MCUB: variants seen among roughly 807,000 people sequenced by gnomAD.
MCUB encodes calcium uniporter regulatory subunit MCUb, mitochondrial.
A neutral mutation model predicts 41.4 loss-of-function variants in MCUB; 46 were observed. The observed-to-expected ratio is 1.11, with a 90% CI of 0.88 to 1.42. The LOEUF (loss-of-function observed/expected upper bound fraction) is 1.42. MCUB is among the 40% of genes most tolerant of loss of function. The probability of loss-of-function intolerance (pLI) is 0.00; values close to 1 mark genes in which losing one functional copy is unlikely to be tolerated. For missense variants in MCUB, 403 were observed against 404.9 expected (o/e 1.00, Z 0.04); for synonymous variants, 148 against 148.2 (o/e 1.00, Z 0.01).
intron 1 of MCUB, among the ~76,000 whole-genome samples, chr4:109,645,659 G>A (rs1476121877): frequency 6.6e-6 from 1 of 152,152 alleles, no homozygotes; most frequent in East Asian, 1.9e-4. Flanking sequence ...GCTGTTGCAT[G>A]CTTCCTTGCT....
At chr4:109,589,832 G>A (rs1397393806) in intron 1 of MCUB, among the ~76,000 whole-genome samples, 1 of 152,178 alleles carries the variant, frequency 6.6e-6, no homozygotes, top group East Asian at 1.9e-4. Flanking sequence ...TCACCTGACT[G>A]ACTTTTGTCC....
chr4:109,673,121 G>C (rs1342273625), intron 4 of MCUB, among the ~76,000 whole-genome samples: 1 of 152,168 alleles, frequency 6.6e-6, no homozygotes, highest in Non-Finnish European at 1.5e-5. Flanking sequence ...AGAGAGAAGG[G>C]TGACAGAAAT....
intron 1 of MCUB, among the ~76,000 whole-genome samples, chr4:109,586,007 G>C (rs1243441580): frequency 6.6e-6 from 1 of 152,126 alleles, no homozygotes; most frequent in Non-Finnish European, 1.5e-5. Flanking sequence ...GCTAGGTTGG[G>C]GAAGTTCTCC....
intron 3 of MCUB, among the ~76,000 whole-genome samples, chr4:109,662,973 G>C (rs1729259944): frequency 6.6e-6 from 1 of 152,168 alleles, no homozygotes; most frequent in Non-Finnish European, 1.5e-5. Context: ...TGCAACTGAT[G>C]AACAGCAACC....
intron 1 of MCUB, among the ~76,000 whole-genome samples, chr4:109,591,361 T>C (rs1727434020): frequency 6.6e-6 from 1 of 151,908 alleles, no homozygotes; most frequent in Non-Finnish European, 1.5e-5. Flanking sequence ...AATTTTTGTA[T>C]TTTTAGTAGA....
intron 1 of MCUB, among the ~76,000 whole-genome samples, chr4:109,606,049 GCTGCAAGCTC>G (rs1727863924): frequency 6.6e-6 from 1 of 151,846 alleles, no homozygotes; most frequent in Non-Finnish European, 1.5e-5. Context: ...ATCTCTGCTC[GCTGCAAGCTC>G]CACCTCCTGG....
intron 1 of MCUB, among the ~76,000 whole-genome samples, chr4:109,582,730 C>G (rs550412174): frequency 6.6e-6 from 1 of 151,938 alleles, no homozygotes; most frequent in African/African-American, 2.4e-5. Context: ...TAATCCATCT[C>G]GAATTAATTT....
intron 1 of MCUB, among the ~76,000 whole-genome samples, chr4:109,629,505 T>C (rs2126137589): frequency 6.6e-6 from 1 of 152,302 alleles, no homozygotes; most frequent in Admixed American, 6.5e-5. Flanking sequence ...ATTCTGACAC[T>C]GTATACCTGG....
intron 1 of MCUB, among the ~76,000 whole-genome samples, chr4:109,563,322 C>T (rs1159414547): frequency 6.6e-6 from 1 of 152,124 alleles, no homozygotes; most frequent in African/African-American, 2.4e-5. Context: ...ATCGAGTATG[C>T]TTTTTTTAAC....
chr4:109,560,557 G>C, intron 1 of MCUB, 121 bp downstream of exon 1: 1 of 479,008 alleles, frequency 2.1e-6, no homozygotes, highest in South Asian at 1.0e-4. Context: ...GCTGGCTGCC[G>C]GGCTCCGCGC....
chr4:109,596,710 G>C (rs1727563388), intron 1 of MCUB, among the ~76,000 whole-genome samples: 1 of 148,690 alleles, frequency 6.7e-6, no homozygotes, highest in African/African-American at 2.5e-5. Flanking sequence ...TCTTTATTTA[G>C]GTCTTCTTAA....
intron 4 of MCUB, among the ~76,000 whole-genome samples, chr4:109,667,158 A>G (rs1729362952): frequency 6.6e-6 from 1 of 152,122 alleles, no homozygotes; most frequent in Admixed American, 6.6e-5. Context: ...ATTGTAGATA[A>G]TTAATATAGT....
At chr4:109,682,848 C>G (rs1729751059) in intron 5 of MCUB, 106 bp downstream of exon 5, 1 of 815,914 alleles carries the variant, frequency 1.2e-6, no homozygotes, top group African/African-American at 1.8e-5. Flanking sequence ...CTAATTTTCT[C>G]CTTTACGCCT....
intron 1 of MCUB, among the ~76,000 whole-genome samples, chr4:109,628,802 A>G (rs552066380): frequency 1.5e-4 from 23 of 152,326 alleles, no homozygotes; most frequent in Admixed American, 1.3e-4. Context: ...CTAAAAGGTT[A>G]AGGACGTGGG....
At chr4:109,641,325 C>G (rs1728710963) in intron 1 of MCUB, among the ~76,000 whole-genome samples, 1 of 149,882 alleles carries the variant, frequency 6.7e-6, no homozygotes, top group African/African-American at 2.5e-5. Flanking sequence ...AGGATGGTCT[C>G]GATCTCCTGA....
intron 4 of MCUB, among the ~76,000 whole-genome samples, chr4:109,681,800 G>A (rs776350972): frequency 7.2e-5 from 11 of 152,206 alleles, no homozygotes; most frequent in Non-Finnish European, 1.2e-4. Context: ...CTGCTACGGC[G>A]GCAAAACAGC....
At chr4:109,631,979 A>G (rs972392584) in intron 1 of MCUB, among the ~76,000 whole-genome samples, 11 of 152,036 alleles carry the variant, frequency 7.2e-5, no homozygotes, top group Non-Finnish European at 1.3e-4. Flanking sequence ...CCCCTTTCAC[A>G]GCCCACCTCT....
At chr4:109,644,474 T>C (rs929723788) in intron 1 of MCUB, among the ~76,000 whole-genome samples, 5 of 152,336 alleles carry the variant, frequency 3.3e-5, no homozygotes, top group Middle Eastern at 3.4e-3. Flanking sequence ...ATAAACAAAG[T>C]AATTTAAATA....
intron 4 of MCUB, among the ~76,000 whole-genome samples, chr4:109,665,370 C>G (rs1729319180): frequency 6.6e-6 from 1 of 152,084 alleles, no homozygotes; most frequent in African/African-American, 2.4e-5. Flanking sequence ...CTAACTCTTG[C>G]TTATATCAAT....
Sources: allele counts gnomAD v4.1 joint callset (sites outside exome capture counted in the v4.1 genomes callset), GRCh38; gene constraint gnomAD v4.1.1; transcripts MANE v1.5; gene names NCBI Gene and HGNC (gene_info 2026-07-23, HGNC 2026-07-21).